Variants in GREM2 observed in about 807,000 individuals in gnomAD.
GREM2 encodes the protein gremlin-2.
Under a neutral mutation model 14.2 loss-of-function variants are expected in GREM2, and 11 were observed. The observed-to-expected ratio is 0.78, with a 90% CI of 0.49 to 1.28. The LOEUF is 1.28. Ranked by LOEUF, GREM2 falls within the 50% of genes most tolerant of loss-of-function variation. GREM2 has a pLI of 0.00. For synonymous variants in GREM2, 98 were observed against 97.6 expected (o/e 1.00, Z -0.02); for missense variants, 210 against 218.5 (o/e 0.96, Z 0.24).
chr1:240,536,917 C>A (rs1401157453), intron 1 of GREM2, among the ~76,000 whole-genome samples: 1 of 152,114 alleles, frequency 6.6e-6, no homozygotes, highest in Non-Finnish European at 1.5e-5. Context: ...GGAGGAGTAC[C>A]ACAGAATCCA....
chr1:240,569,736 A>C (rs989478610), intron 1 of GREM2, among the ~76,000 whole-genome samples: 3 of 152,334 alleles, frequency 2.0e-5, no homozygotes, highest in African/African-American at 7.2e-5. Flanking sequence ...TAAAACTTAT[A>C]AAACTCACAT....
chr1:240,507,080 G>C (rs1467015426), intron 1 of GREM2, among the ~76,000 whole-genome samples: 1 of 152,226 alleles, frequency 6.6e-6, no homozygotes, highest in Admixed American at 6.5e-5. Flanking sequence ...TTTGGGCAGG[G>C]CAGGGAGTTT....
intron 1 of GREM2, among the ~76,000 whole-genome samples, chr1:240,523,502 A>G (rs374814996): frequency 4.6e-5 from 7 of 152,274 alleles, no homozygotes; most frequent in African/African-American, 1.7e-4. Flanking sequence ...ATTTAACAAT[A>G]TAACTAAAGA....
chr1:240,547,188 A>G (rs1678744718), intron 1 of GREM2, among the ~76,000 whole-genome samples: 1 of 151,988 alleles, frequency 6.6e-6, no homozygotes, highest in Admixed American at 6.6e-5. Context: ...TAGATGGGAG[A>G]AGAGTCTTTT....
At chr1:240,598,638 G>GT (rs950344076) in intron 1 of GREM2, among the ~76,000 whole-genome samples, 15 of 152,150 alleles carry the variant, frequency 9.9e-5, no homozygotes, top group Non-Finnish European at 1.3e-4. Flanking sequence ...TTAGGAGTTA[G>GT]TTTTTTTTAT....
At chr1:240,600,803 G>T (rs1679907890) in intron 1 of GREM2, among the ~76,000 whole-genome samples, 1 of 152,016 alleles carries the variant, frequency 6.6e-6, no homozygotes, top group Non-Finnish European at 1.5e-5. Flanking sequence ...TTGCTGACAT[G>T]CATGTCTCTC....
At chr1:240,603,411 C>G (rs140560031) in intron 1 of GREM2, among the ~76,000 whole-genome samples, 2 of 152,220 alleles carry the variant, frequency 1.3e-5, no homozygotes, top group East Asian at 3.9e-4. Flanking sequence ...GCCTAAAGAG[C>G]CTCAGTGTTG....
intron 1 of GREM2, among the ~76,000 whole-genome samples, chr1:240,547,228 C>T (rs927466809): frequency 6.6e-6 from 1 of 151,914 alleles, no homozygotes; most frequent in Non-Finnish European, 1.5e-5. Context: ...AGGCCAGGCA[C>T]GGTGCCTCAT....
intron 1 of GREM2, among the ~76,000 whole-genome samples, chr1:240,544,252 T>A (rs949835071): frequency 4.6e-5 from 7 of 151,336 alleles, no homozygotes; most frequent in East Asian, 2.0e-4. Context: ...GGTTCACGCC[T>A]TTCTCCTGCC....
chr1:240,547,923 A>T (rs942181688), intron 1 of GREM2, among the ~76,000 whole-genome samples: 4 of 152,058 alleles, frequency 2.6e-5, no homozygotes, highest in African/African-American at 9.7e-5. Context: ...ATGTTATCTG[A>T]TGGGAGAAGA....
At chr1:240,551,809 C>T (rs1022135786) in intron 1 of GREM2, among the ~76,000 whole-genome samples, 1 of 151,954 alleles carries the variant, frequency 6.6e-6, no homozygotes, top group African/African-American at 2.4e-5. Context: ...ATATTGAGGA[C>T]AAAAATGTGT....
chr1:240,555,971 A>G (rs953263552), intron 1 of GREM2, among the ~76,000 whole-genome samples: 1 of 152,184 alleles, frequency 6.6e-6, no homozygotes, highest in Non-Finnish European at 1.5e-5. Context: ...GTATGACAAA[A>G]ATTAGCTTTC....
chr1:240,566,878 C>A (rs1448353848), intron 1 of GREM2, among the ~76,000 whole-genome samples: 1 of 151,874 alleles, frequency 6.6e-6, no homozygotes, highest in Non-Finnish European at 1.5e-5. Flanking sequence ...AAAGTATGAA[C>A]CATAGTGAAG....
rs71170753 is a variant in GREM2 at position 240,510,369 on chromosome 1, C to CAAAA, written c.-1-16897_-1-16894dup. 3.1e-3 allele frequency among the ~76,000 whole-genome samples: 187 copies of CAAAA among 59,552 alleles called. 11 individuals are homozygous for CAAAA. Among genetic ancestry groups the CAAAA allele is most frequent in the Non-Finnish European group, 4.2e-3 (143 of 33,828 alleles). 39.1% of individuals were successfully genotyped at this position (59,552 alleles called of 152,430 possible). ...TGGGCGACAGAGCGAGACTCCGTCG[C>CAAAA]AAAAAAAAAAAAAAAAAAAAAAAAA... On this transcript the variant is annotated intron_variant, in intron 1 of 1. Coordinates refer to ENST00000318160, the MANE Select transcript of GREM2 (RefSeq NM_022469.4).
At chr1:240,499,747 C>T (rs1188331603) in intron 1 of GREM2, among the ~76,000 whole-genome samples, 1 of 152,164 alleles carries the variant, frequency 6.6e-6, no homozygotes, top group Non-Finnish European at 1.5e-5. Flanking sequence ...CAAACTATGG[C>T]CCACAGGCCA....
intron 1 of GREM2, among the ~76,000 whole-genome samples, chr1:240,507,916 G>C (rs909870771): frequency 6.6e-5 from 10 of 152,118 alleles, no homozygotes; most frequent in African/African-American, 2.4e-4. Flanking sequence ...AAATATTTAA[G>C]GATCTACTCT....
chr1:240,525,504 T>TC (rs1300464205), intron 1 of GREM2, among the ~76,000 whole-genome samples: 1 of 152,212 alleles, frequency 6.6e-6, no homozygotes, highest in East Asian at 1.9e-4. Flanking sequence ...TTAATTTCTT[T>TC]TTTTTTTTAA....
At chr1:240,564,327 T>C (rs1679133273) in intron 1 of GREM2, among the ~76,000 whole-genome samples, 1 of 151,808 alleles carries the variant, frequency 6.6e-6, no homozygotes, top group African/African-American at 2.4e-5. Context: ...GCAACATGGC[T>C]GAAACCCCAT....
At chr1:240,573,623 A>T (rs1218254327) in intron 1 of GREM2, among the ~76,000 whole-genome samples, 6 of 152,192 alleles carry the variant, frequency 3.9e-5, no homozygotes, top group Admixed American at 1.3e-4. Context: ...TTGAGGTATG[A>T]AATTCCAGCC....
Sources: allele counts gnomAD v4.1 joint callset (sites outside exome capture counted in the v4.1 genomes callset), GRCh38; gene constraint gnomAD v4.1.1; transcripts MANE v1.5; gene names NCBI Gene and HGNC (gene_info 2026-07-23, HGNC 2026-07-21).